The following DUOXA2 variants were observed in gnomAD, a reference collection of about 807,000 sequenced individuals.
DUOXA2 encodes the protein dual oxidase maturation factor 2.
A neutral mutation model predicts 27.6 loss-of-function variants in DUOXA2; 22 were observed. The ratio of observed to expected loss-of-function variants is 0.80; its 90% CI spans 0.57 to 1.14. The LOEUF (loss-of-function observed/expected upper bound fraction) is 1.14, where lower values mean the gene tolerates loss of function less well. Ranked by LOEUF, DUOXA2 falls within the 50% of genes most tolerant of loss-of-function variation. The pLI is 0.00. For synonymous variants in DUOXA2, 188 were observed against 184.4 expected (o/e 1.02, Z -0.16); for missense variants, 481 against 419.9 (o/e 1.15, Z -1.27).
At chr15:45,115,431 T>A (rs560762582) in intron 1 of DUOXA2, 2 of 496,662 alleles carry the variant, frequency 4.0e-6, no homozygotes, top group East Asian at 5.7e-5. Context: ...CTGAGGGAGG[T>A]GACCCCTGCG....
chr15:45,117,311 G>T lies in DUOXA2; in HGVS notation c.769+6G>T, dbSNP rs991185561. The T allele has an allele frequency of 3.2e-6, 5 of 1,586,860 alleles. No individual in the cohort carries two copies. The highest frequency in any genetic ancestry group is 2.3e-5 in the South Asian group (2 of 88,270). On this transcript the variant is annotated splice_donor_region_variant and intron_variant, in intron 5 of 5. Transcript: ENST00000323030. ...CTGGGTCACGCTGGCAACCGGTGAG[G>T]ACCGAGAGAATGGGCCCCGGGGGCT...
rs767988663 is a variant in DUOXA2 at position 45,116,636 on chromosome 15, T to A, written c.461T>A (p.Val154Glu). Reference sequence around the variant, plus strand: ...CTGGAGAAGGGGCTGCCGGACCCAGTGCTCTACCTGGCGGAGAAGTTCACA... The same window carrying A: ...CTGGAGAAGGGGCTGCCGGACCCAGAGCTCTACCTGGCGGAGAAGTTCACA... ...NALEKGLPDP[V>E]LYLAEKFTPS... The change falls in exon 4 of 6, where the codon GTG becomes GAG. Residue 154 changes from valine to glutamate, a missense_variant. By Grantham distance (121) the Val-to-Glu change is moderately radical (BLOSUM62 -2). Coordinates refer to ENST00000323030, the MANE Select transcript of DUOXA2 (RefSeq NM_207581.4). 1 of 1,613,900 alleles carries A rather than the reference T, an allele frequency of 6.2e-7. No individual in the cohort carries two copies. Among genetic ancestry groups the A allele is most frequent in the South Asian group, 1.1e-5 (1 of 91,084 alleles).
rs2141165429 is a variant in DUOXA2 at position 45,116,268 on chromosome 15, C to T, written c.340+10C>T. The T allele has an allele frequency of 6.2e-7, 1 of 1,613,464 alleles. No individual in the cohort carries two copies. The highest frequency in any genetic ancestry group is 8.5e-7 in the Non-Finnish European group (1 of 1,179,604). On this transcript the variant is annotated intron_variant, in intron 3 of 5. Coordinates refer to ENST00000323030, the MANE Select transcript of DUOXA2 (RefSeq NM_207581.4). ...AATATTACACTCACAGGTGAGGGGGCTGGGGCTAAATGAACTCCTGGAGCT... is the reference window on the plus strand; with the variant it reads ...AATATTACACTCACAGGTGAGGGGGTTGGGGCTAAATGAACTCCTGGAGCT...
rs376331834 is a variant in DUOXA2, at chr15:45,117,346, G to A, written c.769+41G>A. 38 of 1,541,298 alleles carry A rather than the reference G, an allele frequency of 2.5e-5. No individual in the cohort carries two copies. In the African/African-American group the frequency reaches 4.8e-4, roughly 19 times the overall value. ...ATGGGCCCCGGGGGCTAAGGGTGGAGACAGGATTCACACCGGGTGTGCACT... is the reference window on the plus strand; with the variant it reads ...ATGGGCCCCGGGGGCTAAGGGTGGAAACAGGATTCACACCGGGTGTGCACT... On this transcript the variant is annotated intron_variant, in intron 5 of 5. Coordinates refer to ENST00000323030, the MANE Select transcript of DUOXA2 (RefSeq NM_207581.4).
rs769034135 is a variant in DUOXA2, at chr15:45,117,894, C to T, written c.948C>T (p.Ile316=). The T allele has an allele frequency of 6.2e-7, 1 of 1,613,448 alleles. No homozygotes were observed. The highest frequency in any genetic ancestry group is 2.2e-5 in the East Asian group (1 of 44,868). Residue 316 remains isoleucine, a synonymous_variant, in exon 6 of 6, where the codon ATC becomes ATT. Coordinates refer to ENST00000323030, the MANE Select transcript of DUOXA2 (RefSeq NM_207581.4). ...KQAALPDLKC[I]TTNL is the part of the protein sequence containing the mutation. ...CCGCTCTCCCAGACTTAAAATGTAT[C>T]ACCACTAACCTGTGAGGGGGACCCA...
At chr15:45,117,341 G>C (rs780076747) in intron 5 of DUOXA2, 36 bp downstream of exon 5, 2 of 1,547,482 alleles carry the variant, frequency 1.3e-6, no homozygotes, top group African/African-American at 2.7e-5. Context: ...GGGGCTAAGG[G>C]TGGAGACAGG....
At chr15:45,115,900 A>G (rs773721859) in intron 2 of DUOXA2, 44 bp downstream of exon 2, 1 of 1,613,764 alleles carries the variant, frequency 6.2e-7, no homozygotes, top group Admixed American at 1.7e-5. Flanking sequence ...GGGGTGAGGA[A>G]GGAGGTGGGC....
rs1264208756 is a variant in DUOXA2, at chr15:45,117,724, T to G, written c.778T>G (p.Cys260Gly). 1 of 1,613,082 alleles carries G rather than the reference T, an allele frequency of 6.2e-7. No individual in the cohort carries two copies. Among genetic ancestry groups the G allele is most frequent in the African/African-American group, 1.3e-5 (1 of 74,936 alleles). The change falls in exon 6 of 6, where the codon TGC becomes GGC. Residue 260 changes from cysteine (C) to glycine (G), a missense_variant. Physicochemically the swap from Cys to Gly is radical, Grantham distance 159. Coordinates refer to ENST00000323030, the MANE Select transcript of DUOXA2 (RefSeq NM_207581.4). ...FWVTLATGVL[C>G]LFLGGAVVSL... ...GATCCCCACCGCCACAGGCGTCCTG[T>G]GCCTCTTCCTCGGAGGGGCCGTGGT...
chr15:45,116,459 G>C, intron 3 of DUOXA2, 57 bp from the exon 4 acceptor site: 1 of 1,599,204 alleles, frequency 6.3e-7, no homozygotes, highest in South Asian at 1.1e-5. Context: ...GTCTGAATCC[G>C]CTTAGTTGCG....
chr15:45,115,252 G>T, intron 1 of DUOXA2: 1 of 363,554 alleles, frequency 2.8e-6, no homozygotes, highest in South Asian at 2.1e-5. Flanking sequence ...TGGGTGCATT[G>T]TCTTAGACTT....
chr15:45,115,526 GGGGAGTGAA>G (rs1894585910), intron 1 of DUOXA2: 2 of 636,150 alleles, frequency 3.1e-6, no homozygotes, highest in Non-Finnish European at 5.9e-6. Context: ...CAGACAGCTA[GGGGAGTGAA>G]GGTGGTGGAA....
chr15:45,116,941 C>A, intron 4 of DUOXA2, 150 bp from the exon 5 acceptor site: 1 of 1,098,242 alleles, frequency 9.1e-7, no homozygotes, highest in Non-Finnish European at 1.3e-6. Flanking sequence ...ACCTCAGGAG[C>A]CCGCTTCTCC....
rs1372971217 is a variant in DUOXA2 at position 45,116,899 on chromosome 15, C to G, written c.554+170C>G. On this transcript the variant is annotated intron_variant, in intron 4 of 5. Coordinates refer to ENST00000323030, the MANE Select transcript of DUOXA2 (RefSeq NM_207581.4). ...AGAAGATCCACGAGATCTGCACAGA[C>G]GGAATCCGGAGAGACTCCAGCCACC... 3 of 1,064,122 alleles carry G rather than the reference C, an allele frequency of 2.8e-6. No homozygotes were observed. In the Admixed American group the frequency reaches 6.1e-5, roughly 21 times the overall value. The allele number at this position is 1,064,122 out of a possible 1,614,324, so 65.9% of individuals were successfully genotyped here. A position where few individuals can be genotyped will look rare whatever the true frequency, so the allele number is the denominator to read the frequency against.
chr15:45,115,872 A>C lies in DUOXA2; in HGVS notation c.205+16A>C. On this transcript the variant is annotated intron_variant, in intron 2 of 5. Transcript: ENST00000323030. ...GAAATTGTGGGTGAGTGTGTGGTGC[A>C]GCCCATGGGGAGAGGACGGGGTGAG... 1 of 1,614,048 alleles carries C rather than the reference A, an allele frequency of 6.2e-7. No homozygotes were observed. The highest frequency in any genetic ancestry group is 8.5e-7 in the Non-Finnish European group (1 of 1,180,014).
rs894688297 is a variant in DUOXA2 at position 45,117,930 on chromosome 15, C to G, written c.*21C>G. ...TGTGAGGGGGACCCAATCTGGACTC[C>G]TTCCCCGCCTTGGGACATCGCAGGC... On this transcript the variant is annotated 3_prime_UTR_variant, in exon 6 of 6. Coordinates refer to ENST00000323030, the MANE Select transcript of DUOXA2 (RefSeq NM_207581.4). 6 of 1,613,110 alleles carry G rather than the reference C, an allele frequency of 3.7e-6. No individual in the cohort carries two copies. The highest frequency in any genetic ancestry group is 3.3e-4 in the Middle Eastern group (2 of 6,084).
rs778830755 is a variant in DUOXA2 at position 45,116,663 on chromosome 15, C to T, written c.488C>T (p.Pro163Leu). 24 of 1,613,696 alleles carry T rather than the reference C, an allele frequency of 1.5e-5. No homozygotes were observed. Among genetic ancestry groups the T allele is most frequent in the Non-Finnish European group, 1.9e-5 (22 of 1,180,052 alleles). ...CTCTACCTGGCGGAGAAGTTCACACCGAGTAGCCCTTGCGGCCTGTACCAC... is the reference window on the plus strand; with the variant it reads ...CTCTACCTGGCGGAGAAGTTCACACTGAGTAGCCCTTGCGGCCTGTACCAC... ...PVLYLAEKFT[P>L]SSPCGLYHQY... is the part of the protein sequence containing the mutation. The change falls in exon 4 of 6, where the codon CCG (proline) becomes CTG (leucine). Residue 163 changes from proline to leucine, a missense_variant. By Grantham distance (98) the Pro-to-Leu change is moderately conservative. Coordinates refer to ENST00000323030, the MANE Select transcript of DUOXA2 (RefSeq NM_207581.4).
In DUOXA2 at chr15:45,117,222, G is replaced by T. The variant is rs576969359; in HGVS notation, c.686G>T (p.Ser229Ile). 137 of 1,610,180 alleles carry T rather than the reference G, an allele frequency of 8.5e-5. No individual in the cohort carries two copies. The South Asian group carries it at 1.4e-3, about 17-fold the overall frequency. Reference protein sequence around the residue: ...FGVFALASISSVPLCPLRLGS... With the variant: ...FGVFALASISIVPLCPLRLGS... ...GTCTTCGCCTTGGCCTCCATCTCTA[G>T]CGTGCCGCTCTGCCCGCTCCGCCTA... The change falls in exon 5 of 6, where the codon AGC (serine) becomes ATC (isoleucine). Residue 229 changes from serine (S) to isoleucine (I), a missense_variant. Ser to Ile is a moderately radical substitution (Grantham distance 142, BLOSUM62 -2). Coordinates refer to ENST00000323030, the MANE Select transcript of DUOXA2 (RefSeq NM_207581.4).
rs756986664 is a variant in DUOXA2 at position 45,114,657 on chromosome 15, G to T, written c.52G>T (p.Ala18Ser). ...LPFYPQPRHA[A>S]GFSVPLLIVI... ...TTTTTACCCCCAGCCCCGGCATGCC[G>T]CAGGCTTCAGCGTTCCACTGCTCAT... is the stretch of plus-strand genomic sequence containing the variant. The change falls in exon 1 of 6, where the codon GCA (alanine) becomes TCA (serine). Residue 18 changes from alanine (A) to serine (S), a missense_variant. Physicochemically the swap from Ala to Ser is moderately conservative, Grantham distance 99. Coordinates refer to ENST00000323030, the MANE Select transcript of DUOXA2 (RefSeq NM_207581.4). 6.8e-6 allele frequency: 11 copies of T among 1,614,192 alleles called. No homozygotes were observed. The highest frequency in any genetic ancestry group is 1.6e-4 in the Middle Eastern group (1 of 6,062).
Position 45,117,565 on chromosome 15 carries a change from GA to G in DUOXA2, c.770-150del, listed in dbSNP as rs1894726810. On this transcript the variant is annotated intron_variant, in intron 5 of 5. Coordinates refer to ENST00000323030, the MANE Select transcript of DUOXA2 (RefSeq NM_207581.4). The stretch of plus-strand genomic sequence containing the variant: ...GTAACACAAGGGGTAGGCTCCAAAA[GA>G]TGGAAGAAGGCCCGGGCATCACGCC... 4 of 1,594,780 alleles carry G rather than the reference GA, an allele frequency of 2.5e-6. No homozygotes were observed. The African/African-American group carries it at 4.0e-5, about 16-fold the overall frequency.
Sources: allele counts gnomAD v4.1 joint callset, GRCh38; gene constraint gnomAD v4.1.1; transcripts MANE v1.5; gene names NCBI Gene and HGNC (gene_info 2026-07-23, HGNC 2026-07-21).